The following SGCZ variants were observed in gnomAD, a reference collection of about 807,000 sequenced individuals.
The protein encoded by SGCZ is sarcoglycan zeta, also known as zeta-sarcoglycan.
A neutral mutation model predicts 41.3 loss-of-function variants in SGCZ; 40 were observed. The ratio of observed to expected loss-of-function variants is 0.97; its 90% CI spans 0.75 to 1.26. The LOEUF (loss-of-function observed/expected upper bound fraction) is 1.26, where lower values mean the gene tolerates loss of function less well. Among genes scored for constraint, SGCZ ranks in the 50% most tolerant of loss-of-function variants. The pLI, the probability that SGCZ is intolerant of heterozygous loss-of-function variation, is 0.00. For missense variants in SGCZ, 552 were observed against 369.8 expected (o/e 1.49, Z -4.04); for synonymous variants, 206 against 137.5 (o/e 1.50, Z -3.49).
intron 2 of SGCZ, among the ~76,000 whole-genome samples, chr8:14,473,662 G>A (rs889316499): frequency 2.6e-5 from 4 of 152,108 alleles, no homozygotes; most frequent in African/African-American, 9.7e-5. Flanking sequence ...AAGCGGCCGG[G>A]CGAGGTGTCT....
chr8:14,432,325 A>G (rs1211807917), intron 2 of SGCZ, among the ~76,000 whole-genome samples: 2 of 152,216 alleles, frequency 1.3e-5, no homozygotes, highest in Non-Finnish European at 2.9e-5. Flanking sequence ...TGGTACATAC[A>G]TATGATGGAA....
At chr8:14,402,332 CT>C (rs1322534965) in intron 2 of SGCZ, among the ~76,000 whole-genome samples, 1 of 151,508 alleles carries the variant, frequency 6.6e-6, no homozygotes, top group Non-Finnish European at 1.5e-5. Context: ...GTTGCCATTG[CT>C]TTTGGTGTTT....
chr8:14,639,223 T>C (rs1171883426), intron 1 of SGCZ, among the ~76,000 whole-genome samples: 1 of 151,514 alleles, frequency 6.6e-6, no homozygotes, highest in Non-Finnish European at 1.5e-5. Context: ...AGGATTCTGC[T>C]GAAAGTTAGG....
chr8:14,412,602 C>T (rs890766480), intron 2 of SGCZ, among the ~76,000 whole-genome samples: 2 of 152,044 alleles, frequency 1.3e-5, no homozygotes, highest in South Asian at 2.1e-4. Flanking sequence ...TACACAACAG[C>T]GAACATCTTA....
intron 1 of SGCZ, among the ~76,000 whole-genome samples, chr8:14,655,693 A>G (rs1807543465): frequency 6.6e-6 from 1 of 152,128 alleles, no homozygotes; most frequent in African/African-American, 2.4e-5. Flanking sequence ...AGATACTGAC[A>G]GTAATAGACT....
At chr8:14,925,567 C>T (rs1032336146) in intron 1 of SGCZ, among the ~76,000 whole-genome samples, 3 of 152,200 alleles carry the variant, frequency 2.0e-5, no homozygotes, top group Admixed American at 1.3e-4. Context: ...TGGAGACCTA[C>T]AGCTTGCCCG....
intron 1 of SGCZ, among the ~76,000 whole-genome samples, chr8:14,945,452 C>G (rs920346323): frequency 2.0e-5 from 3 of 152,012 alleles, no homozygotes; most frequent in African/African-American, 7.3e-5. Context: ...ATTCTAAGCA[C>G]TATCATGAAG....
At chr8:14,411,487 G>A (rs1799358904) in intron 2 of SGCZ, among the ~76,000 whole-genome samples, 1 of 151,982 alleles carries the variant, frequency 6.6e-6, no homozygotes, top group South Asian at 2.1e-4. Flanking sequence ...TGACATTACC[G>A]AGGGAAGATT....
chr8:14,586,766 T>G (rs1805072244), intron 1 of SGCZ, among the ~76,000 whole-genome samples: 1 of 152,158 alleles, frequency 6.6e-6, no homozygotes. Flanking sequence ...ATATCTACGT[T>G]TTAAGCATTA....
At chr8:14,956,221 G>C (rs1460736106) in intron 1 of SGCZ, among the ~76,000 whole-genome samples, 5 of 151,822 alleles carry the variant, frequency 3.3e-5, no homozygotes, top group Middle Eastern at 3.4e-3. Flanking sequence ...TGTATATTTA[G>C]TAGAGATGGA....
chr8:14,672,812 C>T (rs1334431637), intron 1 of SGCZ, among the ~76,000 whole-genome samples: 1 of 151,598 alleles, frequency 6.6e-6, no homozygotes, highest in African/African-American at 2.4e-5. Flanking sequence ...TGCTTTTACT[C>T]ATAGAGTATG....
At chr8:15,207,442 A>G (rs995983160) in intron 1 of SGCZ, among the ~76,000 whole-genome samples, 1 of 152,212 alleles carries the variant, frequency 6.6e-6, no homozygotes, top group Non-Finnish European at 1.5e-5. Flanking sequence ...AAAGAGACAA[A>G]AGAATAATCA....
chr8:14,222,514 C>T (rs1340783321), intron 4 of SGCZ, among the ~76,000 whole-genome samples: 2 of 152,020 alleles, frequency 1.3e-5, no homozygotes, highest in Non-Finnish European at 2.9e-5. Flanking sequence ...ATAATCTTAA[C>T]TTTCATGCAT....
intron 1 of SGCZ, among the ~76,000 whole-genome samples, chr8:15,173,865 G>C (rs268389): frequency 0.87 from 131,904 of 152,024 alleles, 57,247 homozygotes; most frequent in East Asian, 0.88. Context: ...TCAGTTGGGA[G>C]CATAGGCATG....
intron 3 of SGCZ, among the ~76,000 whole-genome samples, chr8:14,265,136 T>G (rs1799827557): frequency 6.6e-6 from 1 of 152,178 alleles, no homozygotes; most frequent in African/African-American, 2.4e-5. Flanking sequence ...AGACCAACCC[T>G]AAAGTGATGG....
At chr8:15,035,742 G>A (rs781189418) in intron 1 of SGCZ, among the ~76,000 whole-genome samples, 1 of 151,980 alleles carries the variant, frequency 6.6e-6, no homozygotes, top group Non-Finnish European at 1.5e-5. Context: ...AGACAAAAAG[G>A]TCAGTACACA....
At position 14,394,712 on chromosome 8, in the gene SGCZ, T is replaced by C. The variant is rs556507025; in HGVS notation, c.235-70508A>G. ...GGTAGTAAAGATAAAGTGGAAATAATTGGAAATAAAGAAAGAATCAGGATT... is the reference window on the plus strand; with the variant it reads ...GGTAGTAAAGATAAAGTGGAAATAACTGGAAATAAAGAAAGAATCAGGATT... On this transcript the variant is annotated intron_variant, in intron 2 of 7. Coordinates refer to ENST00000382080, the MANE Select transcript of SGCZ (RefSeq NM_139167.4). 8.5e-5 allele frequency among the ~76,000 whole-genome samples: 13 copies of C among 152,118 alleles called. No individual in the cohort carries two copies. In the East Asian group the frequency reaches 1.2e-3, roughly 14 times the overall value.
intron 3 of SGCZ, among the ~76,000 whole-genome samples, chr8:14,287,296 T>C (rs550679627): frequency 6.6e-6 from 1 of 152,006 alleles, no homozygotes; most frequent in South Asian, 2.1e-4. Context: ...GTGGGTCATT[T>C]CAATGTCATA....
At chr8:14,989,229 G>C (rs1801927321) in intron 1 of SGCZ, among the ~76,000 whole-genome samples, 1 of 152,212 alleles carries the variant, frequency 6.6e-6, no homozygotes, top group Non-Finnish European at 1.5e-5. Context: ...TGGTGTCTGA[G>C]AGGTATGTCA....
Sources: allele counts gnomAD v4.1 joint callset (sites outside exome capture counted in the v4.1 genomes callset), GRCh38; gene constraint gnomAD v4.1.1; transcripts MANE v1.5; gene names NCBI Gene and HGNC (gene_info 2026-07-23, HGNC 2026-07-21).